The following SEMA6A variants were observed in gnomAD, a reference collection of about 807,000 sequenced individuals.
SEMA6A encodes the protein semaphorin 6A.
Under a neutral mutation model 96.8 loss-of-function variants are expected in SEMA6A, and 25 were observed. The observed-to-expected ratio is 0.26, with a 90% CI of 0.19 to 0.36. The LOEUF (loss-of-function observed/expected upper bound fraction) is 0.36. SEMA6A is among the 10% of genes least tolerant of loss of function. The probability of loss-of-function intolerance (pLI) is 1.00; values close to 1 mark genes in which losing one functional copy is unlikely to be tolerated. For synonymous variants in SEMA6A, 612 were observed against 518.0 expected (o/e 1.18, Z -2.46); for missense variants, 1,363 against 1,323.1 (o/e 1.03, Z -0.47).
At position 116,467,611 on chromosome 5, in the gene SEMA6A, C is replaced by T; in HGVS notation, c.1866G>A (p.Val622=). 6.2e-7 allele frequency: 1 copy of T among 1,613,324 alleles called. No homozygotes were observed. The highest frequency in any genetic ancestry group is 1.1e-5 in the South Asian group (1 of 91,002). ...SPDSTDPLGA[V]SSHNHQDKKG... The stretch of plus-strand genomic sequence containing the variant: ...TCTTGTCTTGGTGATTATGGGAAGA[C>T]ACTGCCCCCAAAGGGTCTGTGCTGT... Residue 622 remains valine (V), a synonymous_variant, in exon 18 of 19, where the codon GTG becomes GTA. Coordinates refer to ENST00000343348, the MANE Select transcript of SEMA6A (RefSeq NM_020796.5).
intron 1 of SEMA6A, among the ~76,000 whole-genome samples, chr5:116,523,611 C>T (rs912263392): frequency 2.0e-4 from 31 of 152,258 alleles, no homozygotes; most frequent in African/African-American, 6.7e-4. Flanking sequence ...TGCACCCGGC[C>T]TAGACAGCAG....
chr5:116,481,277 C>T (rs1429794613), intron 11 of SEMA6A, among the ~76,000 whole-genome samples: 3 of 152,174 alleles, frequency 2.0e-5, no homozygotes, highest in African/African-American at 4.8e-5. Context: ...CTTACTGAAA[C>T]CTGATCCCTC....
chr5:116,505,049 C>G (rs1474795652), intron 1 of SEMA6A, 67 bp from the exon 2 acceptor site: 1 of 681,040 alleles, frequency 1.5e-6, no homozygotes, highest in Non-Finnish European at 2.5e-6. Flanking sequence ...AATGAAATAC[C>G]CTGAAAGATA....
intron 1 of SEMA6A, among the ~76,000 whole-genome samples, chr5:116,512,371 C>T (rs932759970): frequency 6.6e-6 from 1 of 152,158 alleles, no homozygotes; most frequent in African/African-American, 2.4e-5. Flanking sequence ...TCCTCCTTCT[C>T]TCAGCCATTA....
At chr5:116,462,326 C>G (rs1041495196) in intron 18 of SEMA6A, among the ~76,000 whole-genome samples, 6 of 152,096 alleles carry the variant, frequency 3.9e-5, no homozygotes, top group Admixed American at 1.3e-4. Flanking sequence ...GGAGAAGGGT[C>G]AAGGGTAAGC....
At chr5:116,521,554 C>G (rs1326116285) in intron 1 of SEMA6A, among the ~76,000 whole-genome samples, 1 of 152,206 alleles carries the variant, frequency 6.6e-6, no homozygotes, top group Non-Finnish European at 1.5e-5. Flanking sequence ...GTCTCTCATC[C>G]TTCAACACAT....
intron 1 of SEMA6A, among the ~76,000 whole-genome samples, chr5:116,543,113 C>G (rs1305933414): frequency 2.0e-5 from 3 of 152,162 alleles, no homozygotes. Context: ...TATCTTTCAA[C>G]TACTATGGGA....
chr5:116,552,371 A>G (rs1331587209), intron 1 of SEMA6A, among the ~76,000 whole-genome samples: 3 of 152,120 alleles, frequency 2.0e-5, no homozygotes, highest in South Asian at 2.1e-4. Context: ...GAGAAGTTCT[A>G]TTTTTCCAAG....
At chr5:116,550,224 T>C (rs1394261108) in intron 1 of SEMA6A, 1 of 152,228 alleles carries the variant, frequency 6.6e-6, no homozygotes, top group Non-Finnish European at 1.5e-5. Context: ...CCTTGGTTTT[T>C]ATTTTAAAAG....
At chr5:116,569,995 T>C (rs1761146089) in intron 1 of SEMA6A, among the ~76,000 whole-genome samples, 1 of 152,212 alleles carries the variant, frequency 6.6e-6, no homozygotes, top group South Asian at 2.1e-4. Context: ...TGATACCCTC[T>C]ATTGGTGTAA....
At chr5:116,521,186 A>C (rs1758932018) in intron 1 of SEMA6A, among the ~76,000 whole-genome samples, 1 of 152,166 alleles carries the variant, frequency 6.6e-6, no homozygotes, top group Non-Finnish European at 1.5e-5. Context: ...CCTCTTTTTC[A>C]CTACAAAGCC....
In SEMA6A at chr5:116,447,186, CT is replaced by C; in HGVS notation, c.2519del (p.Gln840ArgfsTer29). The C allele has an allele frequency of 6.2e-7, 1 of 1,614,054 alleles. No homozygotes were observed. The highest frequency in any genetic ancestry group is 8.5e-7 in the Non-Finnish European group (1 of 1,179,900). On this transcript the variant is annotated frameshift_variant, in exon 19 of 19. Transcript: ENST00000343348. LOFTEE classifies it high-confidence loss of function. ...TGGCGGCCTGGTCCTCCAGCGCCAT[CT>C]GGGCCACCTCGCTCATTTTGGGCTG... is the stretch of plus-strand genomic sequence containing the variant. ...VDQPKMSEVA[Q>X]MALEDQAATL...
intron 1 of SEMA6A, among the ~76,000 whole-genome samples, chr5:116,551,583 C>T (rs1390498928): frequency 7.2e-5 from 11 of 152,158 alleles, no homozygotes; most frequent in Non-Finnish European, 4.4e-5. Context: ...GGTTAAGGAG[C>T]TTGCCTGATG....
chr5:116,502,286 G>T lies in SEMA6A; in HGVS notation c.142C>A (p.Arg48=). The change falls in exon 3 of 19, where the codon CGG becomes AGG. Residue 48 remains arginine (R), a synonymous_variant. Coordinates refer to ENST00000343348, the MANE Select transcript of SEMA6A (RefSeq NM_020796.5). ...AGCCTGTGCCTCTGTGTGGTGTTCC[G>T]TCCTGGCTTGTGGCCCACAAACACC... ...YPVFVGHKPG[R]NTTQRHRLDI... The T allele has an allele frequency of 6.2e-7, 1 of 1,613,890 alleles. No homozygotes were observed. The highest frequency in any genetic ancestry group is 1.1e-5 in the South Asian group (1 of 91,082).
intron 1 of SEMA6A, among the ~76,000 whole-genome samples, chr5:116,515,214 T>C (rs1235900537): frequency 6.6e-6 from 1 of 152,202 alleles, no homozygotes; most frequent in Non-Finnish European, 1.5e-5. Context: ...ATTCTTTGCT[T>C]AAGGAATTTC....
In SEMA6A at chr5:116,572,964, C is replaced by T. The variant is rs569458508; in HGVS notation, c.-39+1221G>A. 6.4e-4 allele frequency among the ~76,000 whole-genome samples: 97 copies of T among 152,284 alleles called. 2 individuals carry two copies. The South Asian group carries it at 0.015, about 23-fold the overall frequency. On this transcript the variant is annotated intron_variant, in intron 1 of 18. Transcript: ENST00000343348. ...AGGGGCGGCGAGGGAGCGGGAAAAA[C>T]AGCGGAATTCTGTTTCCTTTCCCGA...
At chr5:116,517,583 G>A (rs1029740259) in intron 1 of SEMA6A, among the ~76,000 whole-genome samples, 1 of 152,134 alleles carries the variant, frequency 6.6e-6, no homozygotes, top group Admixed American at 6.5e-5. Context: ...CATTTCCTAT[G>A]TTCTGGGCTT....
chr5:116,508,430 A>C (rs960607158), intron 1 of SEMA6A, among the ~76,000 whole-genome samples: 1 of 152,122 alleles, frequency 6.6e-6, no homozygotes, highest in African/African-American at 2.4e-5. Context: ...ACTTCTAATG[A>C]GTCAGTTTAA....
chr5:116,505,733 C>G (rs892651645), intron 1 of SEMA6A, among the ~76,000 whole-genome samples: 1 of 152,078 alleles, frequency 6.6e-6, no homozygotes, highest in Non-Finnish European at 1.5e-5. Context: ...CTCAATACTT[C>G]CTTGCAGTGA....
Sources: gnomAD v4.1 joint callset for allele counts (sites outside exome capture counted in the v4.1 genomes callset) on GRCh38, gnomAD v4.1.1 for gene constraint, MANE v1.5 for transcripts, NCBI Gene and HGNC (gene_info 2026-07-23, HGNC 2026-07-21) for gene names.